The following RPL30 variants were observed in gnomAD, a reference collection of about 807,000 sequenced individuals.
RPL30 encodes the protein large ribosomal subunit protein eL30.
For synonymous variants in RPL30, 40 were observed against 50.4 expected (o/e 0.79, Z 0.87); for missense variants, 60 against 138.0 (o/e 0.43, Z 2.83).
intron 2 of RPL30, 27 bp from the exon 3 acceptor site, chr8:98,045,115 C>A: frequency 6.2e-7 from 1 of 1,604,268 alleles, no homozygotes; most frequent in Non-Finnish European, 8.5e-7. Flanking sequence ...AAATACGGAC[C>A]TAAGGGCCTC....
At chr8:98,042,974 A>T in intron 3 of RPL30, 199 bp from the exon 4 acceptor site, 1 of 473,186 alleles carries the variant, frequency 2.1e-6, no homozygotes, top group Non-Finnish European at 3.7e-6. Context: ...TGAAGGGGCA[A>T]CCAGCAAATA....
Position 98,045,263 on chromosome 8 carries a change from AC to A in RPL30, c.21+83del, listed in dbSNP as rs1368713351. 8 of 1,591,200 alleles carry A rather than the reference AC, an allele frequency of 5.0e-6. No individual in the cohort carries two copies. The Admixed American group carries it at 1.0e-4, about 20-fold the overall frequency. ...TCCAAATGCCAGCAGGCATGCTGTC[AC>A]CCCCGTGGGCTCACATCTGCCCGCC... On this transcript the variant is annotated intron_variant, in intron 2 of 4. Coordinates refer to ENST00000287038, the MANE Select transcript of RPL30 (RefSeq NM_000989.4).
intron 3 of RPL30, 110 bp from the exon 4 acceptor site, chr8:98,042,885 A>C (rs935072267): frequency 2.0e-6 from 2 of 995,180 alleles, no homozygotes; most frequent in African/African-American, 3.3e-5. Context: ...TTCAAAAAGT[A>C]ACAAAATCAC....
At position 98,042,063 on chromosome 8, in the gene RPL30, A is replaced by G. The variant is rs770000224; in HGVS notation, c.299-213T>C. 5.6e-6 allele frequency: 4 copies of G among 708,140 alleles called. No individual in the cohort carries two copies. The East Asian group carries it at 1.1e-4, about 19-fold the overall frequency. The allele number at this position is 708,140 out of a possible 1,614,324, so 43.9% of individuals were successfully genotyped here. On this transcript the variant is annotated intron_variant, in intron 4 of 4. Transcript: ENST00000287038. ...AATCACAGCCATTATATAATCACAT[A>G]AAATGATCATATAATAAAATTGGTT...
At chr8:98,045,326 G>A (rs1814456908) in intron 2 of RPL30, 21 bp downstream of exon 2, 5 of 1,614,094 alleles carry the variant, frequency 3.1e-6, no homozygotes, top group African/African-American at 1.3e-5. Flanking sequence ...TCGTCTTCCG[G>A]GCCTGGCCCG....
chr8:98,043,063 C>A, intron 3 of RPL30: 1 of 220,552 alleles, frequency 4.5e-6, no homozygotes, highest in Admixed American at 5.2e-5. Context: ...GAAAGCAAAG[C>A]ATTATCTAGC....
chr8:98,045,470 C>G (rs1814459730), intron 1 of RPL30, 38 bp downstream of exon 1: 1 of 1,436,542 alleles, frequency 7.0e-7, no homozygotes, highest in South Asian at 1.2e-5. Context: ...CAAAGCTCCC[C>G]GCGCTGCCTA....
Position 98,041,788 on chromosome 8 carries a change from T to C in RPL30, c.*13A>G, listed in dbSNP as rs751157811. The C allele has an allele frequency of 1.3e-6, 2 of 1,581,626 alleles. No homozygotes were observed. Among genetic ancestry groups the C allele is most frequent in the Non-Finnish European group, 1.7e-6 (2 of 1,161,532 alleles). ...TTTAAGGTTTGCAGGTGAAATTTTG[T>C]AGGTGAAAAGGTTTACTTTTCACCA... On this transcript the variant is annotated 3_prime_UTR_variant, in exon 5 of 5. Coordinates refer to ENST00000287038, the MANE Select transcript of RPL30 (RefSeq NM_000989.4).
At chr8:98,045,264 C>A (rs1163568913) in intron 2 of RPL30, 83 bp downstream of exon 2, 1 of 1,592,390 alleles carries the variant, frequency 6.3e-7, no homozygotes. Context: ...CATGCTGTCA[C>A]CCCCGTGGGC....
At chr8:98,044,480 C>T (rs1185372324) in intron 3 of RPL30, 1 of 156,942 alleles carries the variant, frequency 6.4e-6, no homozygotes, top group Admixed American at 6.4e-5. Context: ...AAGCATAAAT[C>T]TTGACTCAGA....
intron 4 of RPL30, 53 bp from the exon 5 acceptor site, chr8:98,041,903 T>C (rs769608930): frequency 9.7e-5 from 123 of 1,269,052 alleles, no homozygotes; most frequent in Non-Finnish European, 1.3e-4. Context: ...TAATAGCAAC[T>C]GGTACCATAA....
intron 4 of RPL30, 140 bp downstream of exon 4, chr8:98,042,505 C>T (rs567671885): frequency 1.3e-6 from 1 of 796,604 alleles, no homozygotes; most frequent in South Asian, 1.7e-5. Flanking sequence ...CTACAAAATA[C>T]AACTACACGA....
At chr8:98,045,215 C>G in intron 2 of RPL30, 127 bp from the exon 3 acceptor site, 2 of 1,534,918 alleles carry the variant, frequency 1.3e-6, no homozygotes, top group East Asian at 4.5e-5. Flanking sequence ...TTGAGAGGGC[C>G]ACTGGGATTC....
chr8:98,045,250 C>T, intron 2 of RPL30, 97 bp downstream of exon 2: 1 of 1,576,566 alleles, frequency 6.3e-7, no homozygotes, highest in Non-Finnish European at 8.7e-7. Context: ...CAAATGCCAG[C>T]AGGCATGCTG....
chr8:98,042,275 C>CTTT, intron 4 of RPL30: 1 of 455,516 alleles, frequency 2.2e-6, no homozygotes, highest in Non-Finnish European at 4.2e-6. Flanking sequence ...TTTTTTGGCA[C>CTTT]TTTTTTTTTT....
At chr8:98,044,055 A>G (rs1305170368) in intron 3 of RPL30, 1 of 152,290 alleles carries the variant, frequency 6.6e-6, no homozygotes, top group Non-Finnish European at 1.5e-5. Context: ...GGTTGCAGTG[A>G]GCTTAGATTG....
At chr8:98,041,897 A>T (rs747171428) in intron 4 of RPL30, 47 bp from the exon 5 acceptor site, 18 of 1,293,872 alleles carry the variant, frequency 1.4e-5, no homozygotes, top group Non-Finnish European at 2.0e-5. Context: ...TTCATTTAAT[A>T]GCAACTGGTA....
Position 98,045,517 on chromosome 8 carries a change from C to T in RPL30, c.-42G>A, listed in dbSNP as rs938398654. On this transcript the variant is annotated 5_prime_UTR_variant, in exon 1 of 5. Coordinates refer to ENST00000287038, the MANE Select transcript of RPL30 (RefSeq NM_000989.4). ...GTAGGAGCCCACTCACCAACAGCAG[C>T]CGCTAAGATGGCCGGGGAACGAGAA... The T allele has an allele frequency of 8.2e-6, 6 of 729,092 alleles. No homozygotes were observed. The African/African-American group carries it at 1.1e-4, about 13-fold the overall frequency. 45.2% of individuals were successfully genotyped at this position (729,092 alleles called of 1,614,324 possible). A position where few individuals can be genotyped will look rare whatever the true frequency, so the allele number is the denominator to read the frequency against.
intron 3 of RPL30, 196 bp downstream of exon 3, chr8:98,044,747 T>G (rs1814444785): frequency 1.8e-6 from 1 of 565,762 alleles, no homozygotes; most frequent in Admixed American, 3.5e-5. Flanking sequence ...CCTCCAAAAA[T>G]AAGCTCACAG....
Sources: gnomAD v4.1 joint callset for allele counts on GRCh38, gnomAD v4.1.1 for gene constraint, MANE v1.5 for transcripts, NCBI Gene and HGNC (gene_info 2026-07-23, HGNC 2026-07-21) for gene names.